HK1: variants seen among roughly 807,000 people sequenced by gnomAD.
HK1 encodes the protein hexokinase-1.
Under a neutral mutation model 91.6 loss-of-function variants are expected in HK1, and 28 were observed. The observed-to-expected ratio is 0.31, with a 90% CI of 0.23 to 0.42. HK1 has a LOEUF of 0.42. Among genes scored for constraint, HK1 ranks in the 10% least tolerant of loss-of-function variants. The pLI, the probability that HK1 is intolerant of heterozygous loss-of-function variation, is 1.00. For missense variants in HK1, 770 were observed against 1,219.8 expected (o/e 0.63, Z 5.49); for synonymous variants, 430 against 468.1 (o/e 0.92, Z 1.05).
chr10:69,364,933 C>A (rs765723186), intron 4 of HK1, 31 bp downstream of exon 4: 5 of 1,613,616 alleles, frequency 3.1e-6, no homozygotes, highest in Non-Finnish European at 4.2e-6. Flanking sequence ...TCGGGCTCTG[C>A]AGATGCCCCG....
intron 1 of HK1, among the ~76,000 whole-genome samples, chr10:69,331,350 T>A (rs1397025790): frequency 6.6e-6 from 1 of 152,286 alleles, no homozygotes; most frequent in African/African-American, 2.4e-5. Flanking sequence ...TACTGCGTGT[T>A]CTACATTTCA....
chr10:69,316,672 C>T (rs1435699949), upstream of HK1, among the ~76,000 whole-genome samples: 1 of 152,246 alleles, frequency 6.6e-6, no homozygotes, highest in Admixed American at 6.5e-5. Context: ...CTCCCTGGCT[C>T]CAGCTCAGAT....
chr10:69,324,649 G>A (rs73265724), intron 1 of HK1, among the ~76,000 whole-genome samples: 1,954 of 152,196 alleles, frequency 0.013, 38 homozygotes, highest in African/African-American at 0.044. Flanking sequence ...GGGCTATGAG[G>A]GCCCACAGCA....
intron 16 of HK1, among the ~76,000 whole-genome samples, chr10:69,396,578 A>G (rs1381278830): frequency 6.8e-6 from 1 of 147,016 alleles, no homozygotes; most frequent in Non-Finnish European, 1.5e-5. Flanking sequence ...TACTTCATAT[A>G]AATAGAATCA....
At chr10:69,400,730 C>T (rs1840348828) in intron 17 of HK1, among the ~76,000 whole-genome samples, 1 of 152,202 alleles carries the variant, frequency 6.6e-6, no homozygotes, top group Non-Finnish European at 1.5e-5. Context: ...TGACCGTGGG[C>T]CCACTTTCCT....
chr10:69,364,772 G>A lies in HK1; in HGVS notation c.376-11G>A. 6.2e-7 allele frequency: 1 copy of A among 1,614,176 alleles called. No individual in the cohort carries two copies. Among genetic ancestry groups the A allele is most frequent in the Non-Finnish European group, 8.5e-7 (1 of 1,180,030 alleles). On this transcript the variant is annotated splice_polypyrimidine_tract_variant and intron_variant, in intron 3 of 17. Coordinates refer to ENST00000359426, the MANE Select transcript of HK1 (RefSeq NM_000188.3). ...TTTGGGGCCCCCTGACTGCTCTCATGTTTCCTTCAGCTTTTTGATCATGTT... is the reference window on the plus strand; with the variant it reads ...TTTGGGGCCCCCTGACTGCTCTCATATTTCCTTCAGCTTTTTGATCATGTT...
At chr10:69,345,905 C>A (rs762159382) in intron 2 of HK1, among the ~76,000 whole-genome samples, 21 of 152,132 alleles carry the variant, frequency 1.4e-4, no homozygotes, top group Admixed American at 4.6e-4. Context: ...ATTTTTCACC[C>A]CCTTTTAGAG....
At chr10:69,311,080 G>A (rs573332287), upstream of HK1, among the ~76,000 whole-genome samples, 1 of 151,994 alleles carries the variant, frequency 6.6e-6, no homozygotes, top group African/African-American at 2.4e-5. Context: ...AGTGATAAGG[G>A]GTTGTGGAGA....
chr10:69,319,279 A>G (rs998943560), intron 1 of HK1: 14 of 569,902 alleles, frequency 2.5e-5, no homozygotes, highest in African/African-American at 3.8e-5. Flanking sequence ...CGGGCCCTGG[A>G]TGTCAGATAG....
chr10:69,391,466 A>G (rs1417023124), intron 14 of HK1, among the ~76,000 whole-genome samples: 1 of 152,186 alleles, frequency 6.6e-6, no homozygotes, highest in Non-Finnish European at 1.5e-5. Context: ...ACATGGCAAA[A>G]CCCTATCTCT....
At chr10:69,304,291 T>TTTAA (rs1846006671) in intron 5 of HK1, among the ~76,000 whole-genome samples, 1 of 141,682 alleles carries the variant, frequency 7.1e-6, no homozygotes, top group Non-Finnish European at 1.5e-5. Context: ...TATTTATTTA[T>TTTAA]TTATTTATTT....
At chr10:69,317,922 T>G (rs1185900148), upstream of HK1, 9 of 356,196 alleles carry the variant, frequency 2.5e-5, no homozygotes, top group Non-Finnish European at 3.5e-5. Flanking sequence ...CTCTAGGGAG[T>G]CCTCCCATCC....
chr10:69,380,162 C>G lies in HK1; in HGVS notation c.1265+67C>G, dbSNP rs920806345. On this transcript the variant is annotated intron_variant, in intron 9 of 17. Coordinates refer to ENST00000359426, the MANE Select transcript of HK1 (RefSeq NM_000188.3). This position sits in a 1 kb window ranked among gnomAD's most constrained non-coding sequence, Gnocchi z 4.0. ...GTGGGTAGGGACCTTCTCCAGAGAT[C>G]AGACTTTTGTACCCGGTAAACGTTT... 1.1e-5 allele frequency: 15 copies of G among 1,313,860 alleles called. No individual in the cohort carries two copies. Among genetic ancestry groups the G allele is most frequent in the Admixed American group, 1.7e-5 (1 of 57,464 alleles). The allele number at this position is 1,313,860 out of a possible 1,614,324, so 81.4% of individuals were successfully genotyped here.
Position 69,364,247 on chromosome 10 carries a change from G to A in HK1, c.376-536G>A, listed in dbSNP as rs575694946. 1.1e-4 allele frequency among the ~76,000 whole-genome samples: 17 copies of A among 152,364 alleles called. 1 individual carries two copies. In the South Asian group the frequency reaches 3.5e-3, roughly 32 times the overall value. On this transcript the variant is annotated intron_variant, in intron 3 of 17. Coordinates refer to ENST00000359426, the MANE Select transcript of HK1 (RefSeq NM_000188.3). ...GAGAATCCAGTGAACTCTGCACTTA[G>A]GATGTGTGTACTTTTTGGGGTATGC...
At chr10:69,379,753 TC>T (rs1839292414) in intron 8 of HK1, 108 bp from the exon 9 acceptor site, 3 of 825,112 alleles carry the variant, frequency 3.6e-6, no homozygotes, top group African/African-American at 1.7e-5. Flanking sequence ...TCCCATACCA[TC>T]CCACACATGG....
At chr10:69,374,668 G>A (rs895226881) in intron 7 of HK1, among the ~76,000 whole-genome samples, 3 of 152,244 alleles carry the variant, frequency 2.0e-5, no homozygotes, top group Non-Finnish European at 4.4e-5. Context: ...GGCCTTTAGG[G>A]ACTGGGAAAG....
Position 69,330,885 on chromosome 10 carries a change from C to CT in HK1, c.63+11888dup, listed in dbSNP as rs1254023279. ...ACTTACCTGTTTCTTTTCTTTTTTTCTTTTTTTTTTTTTGAGACAGTTCTC... is the reference window on the plus strand; with the variant it reads ...ACTTACCTGTTTCTTTTCTTTTTTTCTTTTTTTTTTTTTTGAGACAGTTCTC... On this transcript the variant is annotated intron_variant, in intron 1 of 17. Transcript: ENST00000359426. Among the ~76,000 whole-genome samples, 582 of 143,836 alleles carry CT rather than the reference C, an allele frequency of 4.0e-3. 3 individuals carry two copies. Among genetic ancestry groups the CT allele is most frequent in the African/African-American group, 9.1e-3 (361 of 39,530 alleles). The allele number at this position is 143,836 out of a possible 152,430, so 94.4% of individuals were successfully genotyped here.
At chr10:69,298,640 A>T (rs1488989610) in intron 4 of HK1, among the ~76,000 whole-genome samples, 1 of 151,812 alleles carries the variant, frequency 6.6e-6, no homozygotes, top group Non-Finnish European at 1.5e-5. Flanking sequence ...AAGGAAAAAA[A>T]AAAGTAGAAG....
intron 1 of HK1, among the ~76,000 whole-genome samples, chr10:69,328,215 C>T (rs1330783928): frequency 1.3e-5 from 2 of 152,144 alleles, no homozygotes; most frequent in African/African-American, 2.4e-5. Context: ...AAAACTGAAC[C>T]GTGAAGTCGG....
Sources: gnomAD v4.1 joint callset for allele counts (sites outside exome capture counted in the v4.1 genomes callset) on GRCh38, gnomAD v4.1.1 for gene constraint, Gnocchi (gnomAD v3.1) non-coding constraint, MANE v1.5 for transcripts, NCBI Gene and HGNC (gene_info 2026-07-23, HGNC 2026-07-21) for gene names.